GARRE1: variants seen among roughly 807,000 people sequenced by gnomAD.
GARRE1 encodes the protein granule associated Rac and RHOG effector 1.
In GARRE1, 49 loss-of-function variants were observed where a neutral mutation model predicts 103.2. That is an observed-to-expected ratio of 0.47 (90% CI 0.38 to 0.60). The LOEUF (loss-of-function observed/expected upper bound fraction) is 0.60. Ranked by LOEUF, GARRE1 falls within the 20% of genes least tolerant of loss-of-function variation. The probability of loss-of-function intolerance (pLI) is 0.00; values close to 1 mark genes in which losing one functional copy is unlikely to be tolerated. For missense variants in GARRE1, 1,199 were observed against 1,370.5 expected (o/e 0.87, Z 1.98); for synonymous variants, 505 against 532.8 (o/e 0.95, Z 0.72).
chr19:34,266,212 C>T (rs1044061616), intron 1 of GARRE1, among the ~76,000 whole-genome samples: 1 of 152,192 alleles, frequency 6.6e-6, no homozygotes, highest in Non-Finnish European at 1.5e-5. Flanking sequence ...AGAAGCCAGC[C>T]TGGAGGTGAA....
intron 1 of GARRE1, among the ~76,000 whole-genome samples, chr19:34,290,241 A>G (rs1381333143): frequency 6.6e-6 from 1 of 152,102 alleles, no homozygotes; most frequent in African/African-American, 2.4e-5. Context: ...CTGTAGCCCC[A>G]GCTACTCAGG....
rs559636767 is a variant in GARRE1 at position 34,351,584 on chromosome 19, G to A, written c.2896G>A (p.Val966Met). 1.2e-4 allele frequency: 193 copies of A among 1,612,172 alleles called. No individual in the cohort carries two copies. In the South Asian group the frequency reaches 1.5e-3, roughly 12 times the overall value. ...SPPLLTTVED[V>M]NQDNKTKTWP... Reference sequence around the variant, plus strand: ...ACCTCTCCTCACCACGGTGGAGGATGTGAACCAGGTATTCAGGCAGGCTCT... The same window carrying A: ...ACCTCTCCTCACCACGGTGGAGGATATGAACCAGGTATTCAGGCAGGCTCT... The change falls in exon 13 of 14, where the codon GTG becomes ATG. Residue 966 changes from valine (V) to methionine (M), a missense_variant. Val to Met is a conservative substitution (Grantham distance 21). Transcript: ENST00000299505.
intron 1 of GARRE1, among the ~76,000 whole-genome samples, chr19:34,289,503 G>C (rs995297125): frequency 6.6e-6 from 1 of 151,856 alleles, no homozygotes; most frequent in Non-Finnish European, 1.5e-5. Flanking sequence ...GAGGTGGGCG[G>C]ATCACAAGGT....
At chr19:34,301,532 A>G (rs915162043) in intron 2 of GARRE1, among the ~76,000 whole-genome samples, 9 of 150,690 alleles carry the variant, frequency 6.0e-5, no homozygotes, top group South Asian at 2.1e-4. Flanking sequence ...AAAAAAAAAA[A>G]AAAAAAGAAA....
Position 34,290,378 on chromosome 19 carries a change from A to G in GARRE1, c.-795-9301A>G, listed in dbSNP as rs114570668. 4.0e-3 allele frequency among the ~76,000 whole-genome samples: 613 copies of G among 152,180 alleles called. 7 individuals carry two copies. The highest frequency in any genetic ancestry group is 0.014 in the African/African-American group (594 of 41,530). ...CTCAAAAAAAAAAGAAGAAAAGAAA[A>G]TGCATTTAATATTCCTAATGTACCA... is the stretch of plus-strand genomic sequence containing the variant. On this transcript the variant is annotated intron_variant, in intron 1 of 13. Transcript: ENST00000299505.
In GARRE1 at chr19:34,300,810, G is replaced by C. The variant is rs2073974747; in HGVS notation, c.337G>C (p.Ala113Pro). 12 of 1,614,174 alleles carry C rather than the reference G, an allele frequency of 7.4e-6. No homozygotes were observed. The highest frequency in any genetic ancestry group is 1.0e-5 in the Non-Finnish European group (12 of 1,180,034). Residue 113 changes from alanine (A) to proline (P), a missense_variant, in exon 2 of 14, where the codon GCA (alanine) becomes CCA (proline). Ala to Pro is a conservative substitution (Grantham distance 27, BLOSUM62 -1). Transcript: ENST00000299505. ...GTTCAGGAACTCTCACTACTCAAAGGCAGCCACACAGCTCAAAGATGTGCA... is the reference window on the plus strand; with the variant it reads ...GTTCAGGAACTCTCACTACTCAAAGCCAGCCACACAGCTCAAAGATGTGCA... The part of the protein sequence containing the change: ...TVFRNSHYSK[A>P]ATQLKDVQEH...
At chr19:34,341,304 C>G in intron 9 of GARRE1, 118 bp from the exon 10 acceptor site, 1 of 809,482 alleles carries the variant, frequency 1.2e-6, no homozygotes, top group South Asian at 1.7e-5. Flanking sequence ...TAAGTGAACC[C>G]GATACCAACC....
At chr19:34,269,343 A>G (rs1287590291) in intron 1 of GARRE1, among the ~76,000 whole-genome samples, 2 of 152,142 alleles carry the variant, frequency 1.3e-5, no homozygotes, top group African/African-American at 4.8e-5. Flanking sequence ...GGAGCCTCAC[A>G]GGGTTGACCC....
intron 9 of GARRE1, among the ~76,000 whole-genome samples, chr19:34,340,405 T>A (rs1055617248): frequency 1.3e-5 from 2 of 151,138 alleles, no homozygotes; most frequent in Non-Finnish European, 3.0e-5. Context: ...CATCTGGTAG[T>A]GGCCTTAAAC....
chr19:34,268,882 T>TA (rs1255205750), intron 1 of GARRE1, among the ~76,000 whole-genome samples: 1 of 152,150 alleles, frequency 6.6e-6, no homozygotes, highest in African/African-American at 2.4e-5. Flanking sequence ...AGTGACTGTT[T>TA]AAAAAAAGTT....
chr19:34,274,033 A>G (rs2073802838), intron 1 of GARRE1, among the ~76,000 whole-genome samples: 1 of 152,134 alleles, frequency 6.6e-6, no homozygotes, highest in Admixed American at 6.5e-5. Flanking sequence ...AGGCGCCTCC[A>G]TAATTCAGGC....
Position 34,342,279 on chromosome 19 carries a change from C to A in GARRE1, c.2345C>A (p.Ser782Tyr), listed in dbSNP as rs368345626. The change falls in exon 10 of 14, where the codon TCT (serine) becomes TAT (tyrosine). Residue 782 changes from serine (S) to tyrosine (Y), a missense_variant. Transcript: ENST00000299505. ...CCTCTTGGTCAGTGGCCTGGCATAT[C>A]TGATCTCAGTTCTGACTTGTACAGC... ...LSPLGQWPGI[S>Y]DLSSDLYSLG... is the part of the protein sequence containing the mutation. 60 of 1,614,090 alleles carry A rather than the reference C, an allele frequency of 3.7e-5. No homozygotes were observed. The highest frequency in any genetic ancestry group is 5.0e-5 in the Non-Finnish European group (59 of 1,180,050).
At position 34,352,848 on chromosome 19, in the gene GARRE1, A is replaced by AGGCC; in HGVS notation, c.3106_3107insGGCC (p.Thr1036ArgfsTer27). 1.3e-6 allele frequency: 2 copies of AGGCC among 1,591,618 alleles called. No individual in the cohort carries two copies. Among genetic ancestry groups the AGGCC allele is most frequent in the Non-Finnish European group, 1.7e-6 (2 of 1,166,602 alleles). On this transcript the variant is annotated frameshift_variant, in exon 14 of 14. Coordinates refer to ENST00000299505, the MANE Select transcript of GARRE1 (RefSeq NM_014686.5). LOFTEE classifies it high-confidence loss of function. ...TGCCGCTGCCTTCTCCTATGTGCAG[A>AGGCC]CCCCACCCCAGCCCCCACCCCCACC...
chr19:34,311,784 C>A (rs991490235), intron 2 of GARRE1, among the ~76,000 whole-genome samples: 2 of 151,800 alleles, frequency 1.3e-5, no homozygotes. Context: ...CTAATTTTTG[C>A]ATTTTTAGTA....
chr19:34,320,796 ACTACAGCCTGTAC>A lies in GARRE1; in HGVS notation c.705+683_705+695del, dbSNP rs199524631. On this transcript the variant is annotated intron_variant, in intron 3 of 13. Transcript: ENST00000299505. The stretch of plus-strand genomic sequence containing the variant: ...AAGTGCAGTGCTGCGATCAAGTCTC[ACTACAGCCTGTAC>A]CTCCGGGCTCAAGAGATACTCCCAC... Among the ~76,000 whole-genome samples the A allele has an allele frequency of 2.5e-4, 38 of 150,246 alleles. No homozygotes were observed. The East Asian group carries it at 7.4e-3, about 29-fold the overall frequency.
chr19:34,266,021 A>C (rs887972280), intron 1 of GARRE1, among the ~76,000 whole-genome samples: 1 of 152,156 alleles, frequency 6.6e-6, no homozygotes, highest in Non-Finnish European at 1.5e-5. Flanking sequence ...TCTACCTGAA[A>C]GGCAAGGGCC....
intron 2 of GARRE1, among the ~76,000 whole-genome samples, 192 bp downstream of exon 2, chr19:34,301,160 G>C (rs2073976835): frequency 1.3e-5 from 2 of 152,220 alleles, no homozygotes; most frequent in South Asian, 2.1e-4. Flanking sequence ...GTAGGTTAAG[G>C]GTAGGTGTGG....
intron 3 of GARRE1, among the ~76,000 whole-genome samples, chr19:34,323,023 C>CTTTTTTTTTTT (rs71165649): frequency 1.5e-5 from 1 of 66,666 alleles, no homozygotes; most frequent in Non-Finnish European, 2.7e-5. Flanking sequence ...TATTTCTTTT[C>CTTTTTTTTTTT]TTTTTTTTTT....
At chr19:34,263,348 A>G (rs2073731564) in intron 1 of GARRE1, among the ~76,000 whole-genome samples, 1 of 152,224 alleles carries the variant, frequency 6.6e-6, no homozygotes, top group South Asian at 2.1e-4. Context: ...ATGGAATGAT[A>G]GAAAAGAAAC....
Sources: gnomAD v4.1 joint callset for allele counts (sites outside exome capture counted in the v4.1 genomes callset) on GRCh38, gnomAD v4.1.1 for gene constraint, MANE v1.5 for transcripts, NCBI Gene and HGNC (gene_info 2026-07-23, HGNC 2026-07-21) for gene names.